Variants in MSH3 observed in about 807,000 individuals in gnomAD.
MSH3 encodes the protein DNA mismatch repair protein Msh3.
A neutral mutation model predicts 123.3 loss-of-function variants in MSH3; 106 were observed. That is an observed-to-expected ratio of 0.86 (90% confidence interval 0.73 to 1.01). MSH3 has a LOEUF of 1.01. Ranked by LOEUF, MSH3 falls within the 50% of genes least tolerant of loss-of-function variation. The pLI, the probability that MSH3 is intolerant of heterozygous loss-of-function variation, is 0.00. For missense variants in MSH3, 1,459 were observed against 1,347.6 expected, an observed-to-expected ratio of 1.08 and a Z score of -1.29; for synonymous variants, 515 against 481.4, an observed-to-expected ratio of 1.07 and a Z score of -0.91.
At chr5:80,703,261 T>G (rs1750649895) in intron 8 of MSH3, among the ~76,000 whole-genome samples, 1 of 152,200 alleles carries the variant, frequency 6.6e-6, no homozygotes, top group Non-Finnish European at 1.5e-5. Flanking sequence ...GTGAGCAATT[T>G]CTAGTTGCTA....
At chr5:80,845,404 T>C (rs1309706925) in intron 20 of MSH3, among the ~76,000 whole-genome samples, 1 of 152,176 alleles carries the variant, frequency 6.6e-6, no homozygotes, top group Admixed American at 6.5e-5. Flanking sequence ...TCGAGGAGTA[T>C]CTTTGTGGTG....
chr5:80,760,046 G>T (rs1335191371), intron 12 of MSH3, among the ~76,000 whole-genome samples: 2 of 152,188 alleles, frequency 1.3e-5, no homozygotes, highest in Admixed American at 1.3e-4. Context: ...TAAATCGAAA[G>T]TCCTCAGTCT....
intron 8 of MSH3, among the ~76,000 whole-genome samples, chr5:80,685,105 G>A (rs764281237): frequency 2.4e-4 from 37 of 151,416 alleles, no homozygotes; most frequent in Middle Eastern, 3.4e-3. Flanking sequence ...TTCATCAAGA[G>A]ATATTGGCCT....
intron 21 of MSH3, among the ~76,000 whole-genome samples, chr5:80,859,712 C>CTTTTTTTTTTTTTTTT (rs373044585): frequency 2.7e-4 from 35 of 130,104 alleles, no homozygotes; most frequent in African/African-American, 3.5e-4. Flanking sequence ...CATTTTCTCT[C>CTTTTTTTTTTTTTTTT]TTTTTTTTTT....
chr5:80,782,177 A>C (rs1479877411), intron 17 of MSH3, among the ~76,000 whole-genome samples: 3 of 152,100 alleles, frequency 2.0e-5, no homozygotes, highest in Non-Finnish European at 4.4e-5. Flanking sequence ...TAGACTCAAA[A>C]TGTTAACTGA....
intron 22 of MSH3, among the ~76,000 whole-genome samples, chr5:80,872,399 T>C (rs1471859225): frequency 6.6e-6 from 1 of 152,130 alleles, no homozygotes; most frequent in Non-Finnish European, 1.5e-5. Flanking sequence ...ACCTGGAAGA[T>C]TGAGACTGCC....
rs532541545 is a variant in MSH3 at position 80,845,782 on chromosome 5, T to A, written c.2814-8348T>A. Among the ~76,000 whole-genome samples the A allele has an allele frequency of 2.0e-5, 3 of 152,320 alleles. No homozygotes were observed. The South Asian group carries it at 6.2e-4, about 32-fold the overall frequency. On this transcript the variant is annotated intron_variant, in intron 20 of 23. Transcript: ENST00000265081. The stretch of plus-strand genomic sequence containing the variant: ...CATTTAAGGTCTTCTCGACACTGTT[T>A]ATTCTAGTTAGCCATTCATCTAACC...
At chr5:80,808,873 A>ATATATATATATATATATG (rs754318556) in intron 19 of MSH3, among the ~76,000 whole-genome samples, 2,268 of 136,956 alleles carry the variant, frequency 0.017, 54 homozygotes, top group Middle Eastern at 0.04. Context: ...ATATATATAT[A>ATATATATATATATATATG]TATATATATA....
intron 22 of MSH3, among the ~76,000 whole-genome samples, chr5:80,870,975 T>C (rs1431609972): frequency 6.6e-6 from 1 of 152,232 alleles, no homozygotes; most frequent in Non-Finnish European, 1.5e-5. Context: ...AGTTACATAA[T>C]ATCCTGAGCT....
chr5:80,784,513 A>G (rs2112016184), intron 17 of MSH3, among the ~76,000 whole-genome samples: 1 of 152,288 alleles, frequency 6.6e-6, no homozygotes. Flanking sequence ...ATCACGGAGA[A>G]TGGGGTATCC....
intron 17 of MSH3, among the ~76,000 whole-genome samples, chr5:80,780,751 C>A (rs1744396345): frequency 6.6e-6 from 1 of 152,106 alleles, no homozygotes; most frequent in Non-Finnish European, 1.5e-5. Flanking sequence ...CCTGTAATCC[C>A]ACGTAACTCA....
intron 12 of MSH3, among the ~76,000 whole-genome samples, chr5:80,744,934 A>G (rs565217660): frequency 2.6e-5 from 4 of 152,216 alleles, no homozygotes; most frequent in African/African-American, 9.6e-5. Flanking sequence ...GATTCTGAGC[A>G]TGGGGCTGAT....
intron 19 of MSH3, among the ~76,000 whole-genome samples, chr5:80,810,200 A>G (rs1000907834): frequency 1.5e-5 from 1 of 68,902 alleles, no homozygotes; most frequent in Non-Finnish European, 3.2e-5. Flanking sequence ...TATATAAACT[A>G]GTAGCATATA....
chr5:80,656,458 G>A lies in MSH3; in HGVS notation c.285G>A (p.Gly95=), dbSNP rs138678221. ...AGAAGAGACCATTGGAAAATGATGG[G>A]CCTGTTAAAAAGAAAGTAAAGAAAG... The part of the protein sequence containing the change: ...RRKKRPLEND[G]PVKKKVKKVQ... The change falls in exon 2 of 24, where the codon GGG becomes GGA. Residue 95 remains glycine, a synonymous_variant. Transcript: ENST00000265081. The A allele has an allele frequency of 1.2e-6, 2 of 1,614,142 alleles. No individual in the cohort carries two copies. Among genetic ancestry groups the A allele is most frequent in the Non-Finnish European group, 1.7e-6 (2 of 1,179,998 alleles).
At chr5:80,827,328 C>CA (rs1745337505) in intron 20 of MSH3, among the ~76,000 whole-genome samples, 2 of 152,184 alleles carry the variant, frequency 1.3e-5, no homozygotes, top group Admixed American at 1.3e-4. Flanking sequence ...TTCTGACACC[C>CA]AGCTTCAGGG....
rs185668240 is a variant in MSH3, at chr5:80,860,855, T to C, written c.3001-3958T>C. On this transcript the variant is annotated intron_variant, in intron 21 of 23. Transcript: ENST00000265081. ...CTTTTTGGATATTCTGAGGTTTTTT[T>C]CTAGTCTTTTTCTGTTTGCATTTCC... Among the ~76,000 whole-genome samples, 10 of 152,326 alleles carry C rather than the reference T, an allele frequency of 6.6e-5. No homozygotes were observed. In the East Asian group the frequency reaches 1.2e-3, roughly 18 times the overall value.
chr5:80,730,056 G>A (rs1014519659), intron 10 of MSH3, among the ~76,000 whole-genome samples: 9 of 152,106 alleles, frequency 5.9e-5, no homozygotes, highest in African/African-American at 1.4e-4. Flanking sequence ...TTTGATGTGC[G>A]TTCTCCCGTG....
chr5:80,687,120 C>T (rs1488006255), intron 8 of MSH3, among the ~76,000 whole-genome samples: 2 of 151,974 alleles, frequency 1.3e-5, no homozygotes, highest in Non-Finnish European at 2.9e-5. Flanking sequence ...AATTATTACT[C>T]CTAAATAATG....
intron 12 of MSH3, among the ~76,000 whole-genome samples, chr5:80,751,978 A>G (rs1444617845): frequency 6.6e-6 from 1 of 151,994 alleles, no homozygotes; most frequent in Non-Finnish European, 1.5e-5. Flanking sequence ...TAACCATTGA[A>G]TTTTGTAAAA....
Sources: gnomAD v4.1 joint callset for allele counts (sites outside exome capture counted in the v4.1 genomes callset) on GRCh38, gnomAD v4.1.1 for gene constraint, MANE v1.5 for transcripts, NCBI Gene and HGNC (gene_info 2026-07-23, HGNC 2026-07-21) for gene names.